CNTLN: variants seen among roughly 807,000 people sequenced by gnomAD.
CNTLN encodes centlein, also known as centlein, centrosomal protein.
CNTLN carries 212 observed loss-of-function variants against 180.0 expected under a neutral mutation model. The observed-to-expected ratio is 1.18, with a 90% CI of 1.05 to 1.32. The LOEUF is 1.32. Among genes scored for constraint, CNTLN ranks in the 40% most tolerant of loss-of-function variants. The pLI, the probability that CNTLN is intolerant of heterozygous loss-of-function variation, is 0.00. For synonymous variants in CNTLN, 722 were observed against 563.1 expected (o/e 1.28, Z -3.99); for missense variants, 2,095 against 1,610.9 (o/e 1.30, Z -5.14).
chr9:17,338,050 G>C (rs889379610), intron 10 of CNTLN, among the ~76,000 whole-genome samples: 20 of 151,996 alleles, frequency 1.3e-4, no homozygotes, highest in African/African-American at 4.6e-4. Context: ...ACACATTTTA[G>C]TTTAAGTTTC....
chr9:17,192,532 C>G (rs1469817179), intron 2 of CNTLN, among the ~76,000 whole-genome samples: 2 of 152,138 alleles, frequency 1.3e-5, no homozygotes, highest in Admixed American at 1.3e-4. Flanking sequence ...CCACCACGTC[C>G]CGCTGAGGTA....
chr9:17,139,985 G>A lies in CNTLN; in HGVS notation c.361-3303G>A, dbSNP rs376893452. Among the ~76,000 whole-genome samples, 37 of 152,212 alleles carry A rather than the reference G, an allele frequency of 2.4e-4. No homozygotes were observed. In the East Asian group the frequency reaches 3.1e-3, roughly 13 times the overall value. ...CTCAGCCTTATAGGGGTGAGCTACC[G>A]CACCTGGCCAAGGTTTTTATTTTTG... On this transcript the variant is annotated intron_variant, in intron 1 of 25. Coordinates refer to ENST00000380647, the MANE Select transcript of CNTLN (RefSeq NM_017738.4).
At chr9:17,345,629 T>C (rs1156552842) in intron 12 of CNTLN, among the ~76,000 whole-genome samples, 1 of 151,990 alleles carries the variant, frequency 6.6e-6, no homozygotes, top group Non-Finnish European at 1.5e-5. Context: ...TTAAGTGGAA[T>C]CTAGAAACCT....
At chr9:17,368,592 G>C (rs979389642) in intron 13 of CNTLN, among the ~76,000 whole-genome samples, 2 of 152,160 alleles carry the variant, frequency 1.3e-5, no homozygotes, top group Non-Finnish European at 2.9e-5. Flanking sequence ...TAGTCCCAGT[G>C]GTGGTGGCCA....
chr9:17,229,407 G>GA, intron 3 of CNTLN, among the ~76,000 whole-genome samples: 1 of 152,228 alleles, frequency 6.6e-6, no homozygotes, highest in East Asian at 1.9e-4. Context: ...ATGGGGTGGG[G>GA]AGATAGTGGG....
At chr9:17,500,117 T>C (rs565946724) in intron 25 of CNTLN, among the ~76,000 whole-genome samples, 1 of 152,320 alleles carries the variant, frequency 6.6e-6, no homozygotes, top group South Asian at 2.1e-4. Context: ...TTGACTCCTT[T>C]TTGAAATCCA....
At chr9:17,466,596 A>G (rs1042993548) in intron 22 of CNTLN, 110 bp from the exon 23 acceptor site, 1 of 824,828 alleles carries the variant, frequency 1.2e-6, no homozygotes, top group Admixed American at 3.2e-5. Context: ...CCCAAATAAT[A>G]AATACATAGA....
At chr9:17,322,396 T>C (rs889144921) in intron 8 of CNTLN, among the ~76,000 whole-genome samples, 12 of 152,116 alleles carry the variant, frequency 7.9e-5, no homozygotes, top group African/African-American at 2.9e-4. Flanking sequence ...TCAACTCCAC[T>C]ATCCTGCATG....
At chr9:17,403,146 A>T (rs1827113917) in intron 15 of CNTLN, among the ~76,000 whole-genome samples, 1 of 151,618 alleles carries the variant, frequency 6.6e-6, no homozygotes, top group Non-Finnish European at 1.5e-5. Flanking sequence ...GTCTGTGGGG[A>T]GGTTCGTGGA....
chr9:17,303,417 T>C (rs531980587), intron 7 of CNTLN, among the ~76,000 whole-genome samples: 1 of 152,306 alleles, frequency 6.6e-6, no homozygotes, highest in Non-Finnish European at 1.5e-5. Context: ...AGCAGTTACC[T>C]TTCTCTGTGA....
At chr9:17,253,761 G>GTTTTTTTTTTTTT (rs60517986) in intron 5 of CNTLN, among the ~76,000 whole-genome samples, 1 of 142,690 alleles carries the variant, frequency 7.0e-6, no homozygotes, top group Non-Finnish European at 1.5e-5. Flanking sequence ...CTTTTCTATT[G>GTTTTTTTTTTTTT]TTTTTTTTTT....
At chr9:17,439,048 G>A (rs1427297636) in intron 18 of CNTLN, among the ~76,000 whole-genome samples, 1 of 152,138 alleles carries the variant, frequency 6.6e-6, no homozygotes, top group Non-Finnish European at 1.5e-5. Flanking sequence ...ATTGAGGAAT[G>A]GGAACAGAAA....
the CNTLN span, among the ~76,000 whole-genome samples, chr9:17,521,765 G>A: frequency 6.6e-6 from 1 of 152,132 alleles, no homozygotes; most frequent in Non-Finnish European, 1.5e-5. Context: ...GACATTACAA[G>A]CCATAATTGC....
chr9:17,276,514 A>G (rs1828320160), intron 6 of CNTLN, among the ~76,000 whole-genome samples: 1 of 152,090 alleles, frequency 6.6e-6, no homozygotes, highest in African/African-American at 2.4e-5. Flanking sequence ...TTTGAAGTTC[A>G]TAGTCATTTA....
At chr9:17,307,972 CCACACA>C (rs3837233) in intron 7 of CNTLN, among the ~76,000 whole-genome samples, 3,616 of 137,852 alleles carry the variant, frequency 0.026, 88 homozygotes, top group African/African-American at 0.059. Context: ...GCCTTTAAAA[CCACACA>C]CACACACACA....
chr9:17,299,660 GTT>G, intron 7 of CNTLN: 3 of 984,290 alleles, frequency 3.0e-6, no homozygotes, highest in Non-Finnish European at 1.2e-6. Flanking sequence ...CTGCCTTTTT[GTT>G]TTATGGGGTG....
chr9:17,298,972 G>A (rs1180035975), intron 7 of CNTLN: 1 of 981,754 alleles, frequency 1.0e-6, no homozygotes, highest in Admixed American at 6.2e-5. Flanking sequence ...GGCCGGGCAT[G>A]GTGGCTCATG....
chr9:17,168,854 G>A (rs915735186), intron 2 of CNTLN, among the ~76,000 whole-genome samples: 2 of 152,140 alleles, frequency 1.3e-5, no homozygotes, highest in African/African-American at 4.8e-5. Context: ...GATGAATTGT[G>A]AAGTTTTGTG....
At chr9:17,371,728 T>G (rs1209094227) in intron 13 of CNTLN, among the ~76,000 whole-genome samples, 1 of 152,088 alleles carries the variant, frequency 6.6e-6, no homozygotes, top group African/African-American at 2.4e-5. Flanking sequence ...AAAACAACTC[T>G]TAAAACATTC....
Sources: gnomAD v4.1 joint callset for allele counts (sites outside exome capture counted in the v4.1 genomes callset) on GRCh38, gnomAD v4.1.1 for gene constraint, MANE v1.5 for transcripts, NCBI Gene and HGNC (gene_info 2026-07-23, HGNC 2026-07-21) for gene names.